Variants in UBA6 observed in about 807,000 individuals in gnomAD.
The protein encoded by UBA6 is ubiquitin-like modifier-activating enzyme 6.
A neutral mutation model predicts 148.3 loss-of-function variants in UBA6; 87 were observed. That is an observed-to-expected ratio of 0.59 (90% CI 0.49 to 0.70). UBA6 has a LOEUF of 0.70. UBA6 is among the 30% of genes least tolerant of loss of function. UBA6 has a pLI of 0.00. For synonymous variants in UBA6, 376 were observed against 401.0 expected (o/e 0.94, Z 0.75); for missense variants, 1,186 against 1,241.2 (o/e 0.96, Z 0.67).
At chr4:67,682,836 C>T (rs952438359) in intron 2 of UBA6, among the ~76,000 whole-genome samples, 2 of 152,018 alleles carry the variant, frequency 1.3e-5, no homozygotes, top group African/African-American at 4.8e-5. Flanking sequence ...AATATAAATT[C>T]CAATGAATTC....
chr4:67,690,115 C>G (rs2627254), intron 2 of UBA6, among the ~76,000 whole-genome samples: 34 of 151,692 alleles, frequency 2.2e-4, no homozygotes, highest in African/African-American at 8.2e-4. Context: ...ATTACAGGAA[C>G]AGACAGTTGA....
At chr4:67,650,524 A>G (rs1729528818) in intron 13 of UBA6, among the ~76,000 whole-genome samples, 1 of 152,188 alleles carries the variant, frequency 6.6e-6, no homozygotes, top group Non-Finnish European at 1.5e-5. Flanking sequence ...TCTCCAAAAC[A>G]TATGCATAAT....
chr4:67,623,583 T>A (rs568460423), intron 30 of UBA6, among the ~76,000 whole-genome samples: 100 of 152,292 alleles, frequency 6.6e-4, no homozygotes, highest in Middle Eastern at 3.4e-3. Flanking sequence ...CGATAAATAA[T>A]GCCAGAATAA....
intron 18 of UBA6, among the ~76,000 whole-genome samples, chr4:67,640,232 A>G (rs1014304872): frequency 2.6e-5 from 4 of 152,266 alleles, no homozygotes; most frequent in Non-Finnish European, 4.4e-5. Flanking sequence ...ATAAGAATGA[A>G]CAGGACTTTA....
intron 9 of UBA6, among the ~76,000 whole-genome samples, chr4:67,666,142 G>A (rs1253473118): frequency 6.6e-6 from 1 of 152,044 alleles, no homozygotes; most frequent in Non-Finnish European, 1.5e-5. Flanking sequence ...AACTGCACCT[G>A]TGAATAGCCA....
In UBA6 at chr4:67,670,190, C is replaced by T. The variant is rs79427222; in HGVS notation, c.669+280G>A. Among the ~76,000 whole-genome samples the T allele has an allele frequency of 2.6e-5, 4 of 152,234 alleles. No individual in the cohort carries two copies. The East Asian group carries it at 7.7e-4, about 29-fold the overall frequency. On this transcript the variant is annotated intron_variant, in intron 8 of 32. Transcript: ENST00000322244. ...AACTCCTGAGCTAAAGTGATCCACCCCTGTCAGCCTCCAAAAGTGCTGGGA... is the reference window on the plus strand; with the variant it reads ...AACTCCTGAGCTAAAGTGATCCACCTCTGTCAGCCTCCAAAAGTGCTGGGA...
In UBA6 at chr4:67,683,450, G is replaced by A. The variant is rs116255888; in HGVS notation, c.135-1237C>T. Among the ~76,000 whole-genome samples, 1,220 of 152,204 alleles carry A rather than the reference G, an allele frequency of 8.0e-3. 20 individuals carry two copies. Among genetic ancestry groups the A allele is most frequent in the African/African-American group, 0.028 (1,173 of 41,514 alleles). On this transcript the variant is annotated intron_variant, in intron 2 of 32. Coordinates refer to ENST00000322244, the MANE Select transcript of UBA6 (RefSeq NM_018227.6). ...ATCTCCTGGTACACACTTAAGAGTT[G>A]TTTCTCTGATACAAGCTTGTCCAAC...
chr4:67,620,932 C>T (rs1190762790), intron 32 of UBA6, among the ~76,000 whole-genome samples: 2 of 152,138 alleles, frequency 1.3e-5, no homozygotes, highest in South Asian at 4.1e-4. Context: ...TAATCATAAT[C>T]CCACTGACTG....
intron 8 of UBA6, among the ~76,000 whole-genome samples, chr4:67,669,523 T>C (rs1197754847): frequency 6.6e-6 from 1 of 152,192 alleles, no homozygotes; most frequent in Non-Finnish European, 1.5e-5. Flanking sequence ...TGGACTTCAA[T>C]GTAAGTTGAT....
Position 67,686,952 on chromosome 4 carries a change from TAAAAAAAAAAAAAAAAAAAA to T in UBA6, c.135-4759_135-4740del, listed in dbSNP as rs546442640. ...CTGGGCAACAGCAAGATCCTGTCTC[TAAAAAAAAAAAAAAAAAAAA>T]AAAAAAAAAAAAAAAAAATCAAAAA... is the stretch of plus-strand genomic sequence containing the variant. On this transcript the variant is annotated intron_variant, in intron 2 of 32. Transcript: ENST00000322244. 5.0e-3 allele frequency among the ~76,000 whole-genome samples: 287 copies of T among 57,184 alleles called. 2 individuals are homozygous for T. Among genetic ancestry groups the T allele is most frequent in the African/African-American group, 0.018 (232 of 12,906 alleles). 37.5% of individuals were successfully genotyped at this position (57,184 alleles called of 152,430 possible).
chr4:67,673,166 A>G (rs933587970), intron 7 of UBA6, among the ~76,000 whole-genome samples: 6 of 152,126 alleles, frequency 3.9e-5, no homozygotes, highest in Admixed American at 3.3e-4. Flanking sequence ...AACGACATTT[A>G]AAATTAGAGG....
chr4:67,623,369 T>C (rs1728796705), intron 30 of UBA6, 147 bp from the exon 31 acceptor site: 1 of 603,886 alleles, frequency 1.7e-6, no homozygotes, highest in Non-Finnish European at 3.0e-6. Context: ...TAATATATCT[T>C]CTAAAATATT....
chr4:67,624,301 C>T (rs10454253), intron 29 of UBA6, 48 bp from the exon 30 acceptor site: 362,516 of 1,512,512 alleles, frequency 0.24, 44,798 homozygotes, highest in Non-Finnish European at 0.25. Flanking sequence ...TAAAACTATC[C>T]GTGATTTTAA....
At chr4:67,671,190 G>T (rs1730139706) in intron 7 of UBA6, among the ~76,000 whole-genome samples, 1 of 152,094 alleles carries the variant, frequency 6.6e-6, no homozygotes, top group Non-Finnish European at 1.5e-5. Flanking sequence ...AATTTGTAAA[G>T]AAATTATTTT....
intron 13 of UBA6, among the ~76,000 whole-genome samples, chr4:67,659,835 A>T (rs1729805471): frequency 6.6e-6 from 1 of 152,122 alleles, no homozygotes; most frequent in African/African-American, 2.4e-5. Flanking sequence ...TTTTGACCAA[A>T]ATGCTGATAG....
chr4:67,629,499 T>C (rs1415854096), intron 26 of UBA6, among the ~76,000 whole-genome samples: 1 of 151,990 alleles, frequency 6.6e-6, no homozygotes, highest in East Asian at 1.9e-4. Context: ...TTTAATGTTT[T>C]ACAAAGTTCC....
chr4:67,624,379 T>A (rs4860854), intron 29 of UBA6, 126 bp from the exon 30 acceptor site: 2 of 774,996 alleles, frequency 2.6e-6, no homozygotes, highest in Admixed American at 6.5e-5. Context: ...TATGGGACTA[T>A]AGTAATATAA....
intron 32 of UBA6, among the ~76,000 whole-genome samples, chr4:67,620,209 A>T (rs1156324061): frequency 6.6e-6 from 1 of 152,218 alleles, no homozygotes; most frequent in Non-Finnish European, 1.5e-5. Context: ...CTCTTAATTT[A>T]TCCAAGATAC....
At position 67,646,000 on chromosome 4, in the gene UBA6, C is replaced by A; in HGVS notation, c.1333G>T (p.Ala445Ser). The change falls in exon 16 of 33, where the codon GCC becomes TCC. Residue 445 changes from alanine to serine, a missense_variant. Ala to Ser is a moderately conservative substitution (Grantham distance 99, BLOSUM62 1). Transcript: ENST00000322244. ...EFLPRGDRYD[A>S]LRACIGDTLC... is the part of the protein sequence containing the mutation. The stretch of plus-strand genomic sequence containing the variant: ...GTGTCTCCAATGCAAGCTCTTAAGG[C>A]ATCATATCTATCTCCTCTGAAAAAA... 1 of 1,577,336 alleles carries A rather than the reference C, an allele frequency of 6.3e-7. No homozygotes were observed. Among genetic ancestry groups the A allele is most frequent in the Non-Finnish European group, 8.6e-7 (1 of 1,160,006 alleles).
Sources: allele counts gnomAD v4.1 joint callset (sites outside exome capture counted in the v4.1 genomes callset), GRCh38; gene constraint gnomAD v4.1.1; transcripts MANE v1.5; gene names NCBI Gene and HGNC (gene_info 2026-07-23, HGNC 2026-07-21).